ZIC4: variants seen among roughly 807,000 people sequenced by gnomAD.
ZIC4 encodes the protein zinc finger protein ZIC 4.
A neutral mutation model predicts 28.8 loss-of-function variants in ZIC4; 15 were observed. That is an observed-to-expected ratio of 0.52 (90% CI 0.35 to 0.80). The LOEUF is 0.80. Ranked by LOEUF, ZIC4 falls within the 30% of genes least tolerant of loss-of-function variation. The pLI is 0.01. For synonymous variants in ZIC4, 220 were observed against 198.1 expected, an observed-to-expected ratio of 1.11 and a Z score of -0.93; for missense variants, 512 against 467.1, an observed-to-expected ratio of 1.10 and a Z score of -0.89.
At chr3:147,405,336 C>A (rs749782329) in intron 1 of ZIC4, 62 of 1,511,104 alleles carry the variant, frequency 4.1e-5, no homozygotes, top group African/African-American at 9.7e-5. Flanking sequence ...TGGGTCGCTG[C>A]GAGGACAATA....
intron 3 of ZIC4, chr3:147,392,866 G>A (rs1347668067): frequency 1.3e-5 from 2 of 152,196 alleles, no homozygotes; most frequent in Non-Finnish European, 2.9e-5. Flanking sequence ...GGAAGGTGTT[G>A]GCACCTGCCA....
chr3:147,399,434 A>G (rs907785717), intron 2 of ZIC4, among the ~76,000 whole-genome samples: 1 of 152,212 alleles, frequency 6.6e-6, no homozygotes, highest in African/African-American at 2.4e-5. Flanking sequence ...CAAAAGCCAG[A>G]GTATGTTTTT....
At chr3:147,401,312 G>A (rs1160145451) in intron 2 of ZIC4, among the ~76,000 whole-genome samples, 1 of 152,186 alleles carries the variant, frequency 6.6e-6, no homozygotes, top group Admixed American at 6.5e-5. Flanking sequence ...AAAAAAAATG[G>A]AGGATATTTC....
At chr3:147,391,435 T>C (rs1194174176) in intron 3 of ZIC4, 189 bp from the exon 4 acceptor site, 1 of 654,828 alleles carries the variant, frequency 1.5e-6, no homozygotes, top group Non-Finnish European at 2.5e-6. Flanking sequence ...TGCCCTCTCT[T>C]GAACGCCTCC....
Position 147,396,605 on chromosome 3 carries a change from G to C in ZIC4, c.71-136C>G, listed in dbSNP as rs1024318145. ...GCCGTGGAACTCAGAGCCAGACAGC[G>C]CCAGCAGTGAACCCGGTGGACAGAG... On this transcript the variant is annotated intron_variant, in intron 2 of 4. Transcript: ENST00000383075. This position sits in a 1 kb window ranked among gnomAD's most constrained non-coding sequence, Gnocchi z 4.2. 2 of 1,171,784 alleles carry C rather than the reference G, an allele frequency of 1.7e-6. No homozygotes were observed. The highest frequency in any genetic ancestry group is 3.1e-5 in the African/African-American group (2 of 64,296). The allele number at this position is 1,171,784 out of a possible 1,614,324, so 72.6% of individuals were successfully genotyped here.
In ZIC4 at chr3:147,390,256, T is replaced by G. The variant is rs578047194; in HGVS notation, c.1004+675A>C. Among the ~76,000 whole-genome samples the G allele has an allele frequency of 3.3e-5, 5 of 150,976 alleles. No individual in the cohort carries two copies. The South Asian group carries it at 1.1e-3, about 32-fold the overall frequency. On this transcript the variant is annotated intron_variant, in intron 4 of 4. Transcript: ENST00000383075. The stretch of plus-strand genomic sequence containing the variant: ...GAGGTTGGAAAAATTAGGACTTGTG[T>G]GTTTTTTGTTTCAAAGGATACCTAG...
intron 2 of ZIC4, among the ~76,000 whole-genome samples, chr3:147,402,120 C>T (rs1218361958): frequency 3.3e-5 from 5 of 152,114 alleles, no homozygotes; most frequent in Admixed American, 3.3e-4. Flanking sequence ...GGGAAAATAC[C>T]ACCCTAAATC....
At chr3:147,393,703 T>C (rs193085557) in intron 3 of ZIC4, 1 of 302,680 alleles carries the variant, frequency 3.3e-6, no homozygotes, top group Admixed American at 4.7e-5. Context: ...GCGGTCTCTT[T>C]TCCTCTACCT....
At chr3:147,392,264 C>G (rs1056991495) in intron 3 of ZIC4, 60 of 985,918 alleles carry the variant, frequency 6.1e-5, no homozygotes, top group Non-Finnish European at 6.6e-5. Flanking sequence ...GCTGTCAGGC[C>G]AGGCCTGGCT....
intron 1 of ZIC4, chr3:147,405,966 G>C (rs752225199): frequency 6.1e-6 from 1 of 164,470 alleles, no homozygotes; most frequent in Non-Finnish European, 1.3e-5. Flanking sequence ...GGGAAGCTCT[G>C]GGCCACGACT....
At position 147,395,864 on chromosome 3, in the gene ZIC4, G is replaced by T; in HGVS notation, c.676C>A (p.Arg226=). 1.2e-6 allele frequency: 2 copies of T among 1,613,226 alleles called. No homozygotes were observed. Among genetic ancestry groups the T allele is most frequent in the Middle Eastern group, 1.7e-4 (1 of 6,058 alleles). Residue 226 remains arginine, a synonymous_variant, in exon 3 of 5, where the codon CGA becomes AGA. Coordinates refer to ENST00000383075, the MANE Select transcript of ZIC4 (RefSeq NM_032153.6). ...GCCGAATACTGACCTGTGTGAGTTC[G>T]TTTGTGTATTTTGAGATTTTCTGAT... ...ARSENLKIHK[R]THTGEKPFRC... is the part of the protein sequence containing the mutation.
Position 147,391,033 on chromosome 3 carries a change from G to T in ZIC4, c.902C>A (p.Ala301Asp). ...SPPPSSGYDS[A>D]TPSALVSPSS... ...GGGCGACACGAGGGCAGACGGTGTA[G>T]CCGAATCGTAGCCAGAGCTGGGCGG... Residue 301 changes from alanine to aspartate, a missense_variant, in exon 4 of 5, where the codon GCT becomes GAT. Physicochemically the swap from Ala to Asp is moderately radical, Grantham distance 126 (BLOSUM62 -2). Around this residue, in one of 3 missense-constraint regions of ZIC4, gnomAD observed 144 missense variants for 116.8 expected, o/e 1.23. Transcript: ENST00000383075. 6.2e-7 allele frequency: 1 copy of T among 1,613,856 alleles called. No homozygotes were observed. The highest frequency in any genetic ancestry group is 8.5e-7 in the Non-Finnish European group (1 of 1,179,990).
intron 3 of ZIC4, among the ~76,000 whole-genome samples, chr3:147,394,749 G>A (rs961232574): frequency 1.3e-5 from 2 of 152,238 alleles, no homozygotes; most frequent in African/African-American, 2.4e-5. Context: ...CTTTGGTCTG[G>A]TCTCCGCATG....
At position 147,390,894 on chromosome 3, in the gene ZIC4, G is replaced by A. The variant is rs1217925139; in HGVS notation, c.1004+37C>T. ...GCTCGGGGCTGAGGATCGCGGCGGG[G>A]GCAGCCGCTATGGGGCCCAAGCCCT... is the stretch of plus-strand genomic sequence containing the variant. On this transcript the variant is annotated intron_variant, in intron 4 of 4. Transcript: ENST00000383075. 6 of 1,566,318 alleles carry A rather than the reference G, an allele frequency of 3.8e-6. No individual in the cohort carries two copies. In the African/African-American group the frequency reaches 4.0e-5, roughly 11 times the overall value.
intron 4 of ZIC4, among the ~76,000 whole-genome samples, chr3:147,390,215 T>C (rs572390982): frequency 1.8e-4 from 28 of 152,020 alleles, no homozygotes; most frequent in Non-Finnish European, 3.1e-4. Flanking sequence ...GAATCTCCCT[T>C]ACCTCCTTTA....
chr3:147,388,610 T>C lies in ZIC4; in HGVS notation c.*249A>G. The C allele has an allele frequency of 4.0e-6, 2 of 495,894 alleles. No homozygotes were observed. The highest frequency in any genetic ancestry group is 4.1e-5 in the South Asian group (1 of 24,430). 30.7% of individuals were successfully genotyped at this position (495,894 alleles called of 1,614,324 possible). ...CGTCAAACAAAAATATATACTTGTATACACAAGAAAAAAGGTCTGTTAGAC... is the reference window on the plus strand; with the variant it reads ...CGTCAAACAAAAATATATACTTGTACACACAAGAAAAAAGGTCTGTTAGAC... On this transcript the variant is annotated 3_prime_UTR_variant, in exon 5 of 5. Transcript: ENST00000383075.
intron 3 of ZIC4, chr3:147,392,298 CGGCTG>C: frequency 1.0e-6 from 1 of 985,758 alleles, no homozygotes; most frequent in Middle Eastern, 5.2e-4. Context: ...GGCCACCAGG[CGGCTG>C]GCATAGGCCG....
intron 3 of ZIC4, among the ~76,000 whole-genome samples, chr3:147,394,479 A>C (rs2086995478): frequency 6.6e-6 from 1 of 151,758 alleles, no homozygotes; most frequent in Admixed American, 6.6e-5. Context: ...AAAAAAAAAA[A>C]AAAAAAAACC....
Position 147,395,762 on chromosome 3 carries a change from C to A in ZIC4, c.688+90G>T. ...TGGAAACAACCCCAAAATATTTCCC[C>A]CTCCCCTCAGTTGGGACTTGAGGAA... On this transcript the variant is annotated intron_variant, in intron 3 of 4. Coordinates refer to ENST00000383075, the MANE Select transcript of ZIC4 (RefSeq NM_032153.6). 13 of 1,516,164 alleles carry A rather than the reference C, an allele frequency of 8.6e-6. No homozygotes were observed. The South Asian group carries it at 1.7e-4, about 20-fold the overall frequency. 93.9% of individuals were successfully genotyped at this position (1,516,164 alleles called of 1,614,324 possible).
Sources: gnomAD v4.1 joint callset for allele counts (sites outside exome capture counted in the v4.1 genomes callset) on GRCh38, gnomAD v4.1.1 for gene constraint, gnomAD v4.1.1 regional missense constraint, Gnocchi (gnomAD v3.1) non-coding constraint, MANE v1.5 for transcripts, NCBI Gene and HGNC (gene_info 2026-07-23, HGNC 2026-07-21) for gene names.